Variants in LRRC28 observed in about 807,000 individuals in gnomAD.
LRRC28 encodes the protein leucine-rich repeat-containing protein 28.
LRRC28 carries 39 observed loss-of-function variants against 45.7 expected under a neutral mutation model. The observed-to-expected ratio is 0.85, with a 90% confidence interval of 0.66 to 1.12. LRRC28 has a LOEUF of 1.12. Among genes scored for constraint, LRRC28 ranks in the 50% most tolerant of loss-of-function variants. The pLI is 0.00. For missense variants in LRRC28, 435 were observed against 438.5 expected, an observed-to-expected ratio of 0.99 and a Z score of 0.07; for synonymous variants, 206 against 178.8, an observed-to-expected ratio of 1.15 and a Z score of -1.22.
At chr15:99,353,977 A>AGG (rs755266172) in intron 7 of LRRC28, 3 of 152,194 alleles carry the variant, frequency 2.0e-5, no homozygotes, top group Non-Finnish European at 4.4e-5. Context: ...ACAAAACACT[A>AGG]GGGGAAAATA....
intron 6 of LRRC28, 134 bp downstream of exon 6, chr15:99,334,263 G>T: frequency 1.0e-6 from 1 of 964,292 alleles, no homozygotes; most frequent in Non-Finnish European, 1.6e-6. Flanking sequence ...TGTTTTTGCA[G>T]TGAACAAAGC....
chr15:99,296,090 G>C (rs569979156), intron 5 of LRRC28, among the ~76,000 whole-genome samples: 1 of 152,192 alleles, frequency 6.6e-6, no homozygotes, highest in South Asian at 2.1e-4. Flanking sequence ...GGCTTCTGCT[G>C]TTGCTTACTA....
intron 5 of LRRC28, among the ~76,000 whole-genome samples, chr15:99,331,567 G>A (rs1190147814): frequency 1.3e-5 from 2 of 152,108 alleles, no homozygotes; most frequent in Non-Finnish European, 2.9e-5. Flanking sequence ...TGCCTGTCTA[G>A]CCTTTCCAAA....
Position 99,380,605 on chromosome 15 carries a change from G to C in LRRC28, c.1032-5425G>C, listed in dbSNP as rs571452181. 3.3e-5 allele frequency among the ~76,000 whole-genome samples: 5 copies of C among 152,318 alleles called. No individual in the cohort carries two copies. In the South Asian group the frequency reaches 8.3e-4, roughly 25 times the overall value. On this transcript the variant is annotated intron_variant, in intron 9 of 9. Transcript: ENST00000301981. ...TGTTAACTGGTTATTTTGCTTGTTAGTTGATGCAGTTTCTTCCTAGCATCT... is the reference window on the plus strand; with the variant it reads ...TGTTAACTGGTTATTTTGCTTGTTACTTGATGCAGTTTCTTCCTAGCATCT...
At chr15:99,332,441 G>C (rs147033117) in intron 5 of LRRC28, among the ~76,000 whole-genome samples, 1 of 152,234 alleles carries the variant, frequency 6.6e-6, no homozygotes, top group South Asian at 2.1e-4. Flanking sequence ...ACAAGTTAGG[G>C]TATTTTGGAC....
chr15:99,295,670 A>C (rs756098442), intron 5 of LRRC28, among the ~76,000 whole-genome samples: 2 of 152,228 alleles, frequency 1.3e-5, no homozygotes, highest in Non-Finnish European at 2.9e-5. Flanking sequence ...TGGCATATAA[A>C]TCAGCCTATT....
intron 7 of LRRC28, among the ~76,000 whole-genome samples, chr15:99,360,674 C>T (rs925566845): frequency 6.6e-6 from 1 of 152,146 alleles, no homozygotes; most frequent in Non-Finnish European, 1.5e-5. Context: ...AGTATTGAGG[C>T]TCTTAGGTTA....
At chr15:99,322,258 T>G (rs1328215114) in intron 5 of LRRC28, among the ~76,000 whole-genome samples, 1 of 152,104 alleles carries the variant, frequency 6.6e-6, no homozygotes, top group Non-Finnish European at 1.5e-5. Context: ...GGGCAGAGTC[T>G]GGGGGCAGGA....
At chr15:99,295,563 T>A (rs1401175571) in intron 5 of LRRC28, among the ~76,000 whole-genome samples, 2 of 152,182 alleles carry the variant, frequency 1.3e-5, no homozygotes, top group African/African-American at 4.8e-5. Context: ...GATACCTTTG[T>A]GAGTTGCTGT....
At position 99,361,501 on chromosome 15, in the gene LRRC28, C is replaced by A. The variant is rs768132007; in HGVS notation, c.861C>A (p.Ser287Arg). Residue 287 changes from serine (S) to arginine (R), a missense_variant, in exon 8 of 10, where the codon AGC becomes AGA. Coordinates refer to ENST00000301981, the MANE Select transcript of LRRC28 (RefSeq NM_144598.5). ...GAGGGCTGTATCATACCTACCACAG[C>A]TTGCTGAAAGGTACGTGGGACTTCT... ...AMRGLYHTYH[S>R]LLKDLNFLSP... The A allele has an allele frequency of 3.1e-6, 5 of 1,598,676 alleles. No homozygotes were observed. Among genetic ancestry groups the A allele is most frequent in the Non-Finnish European group, 4.3e-6 (5 of 1,174,168 alleles).
At chr15:99,277,853 T>G (rs2081660754) in intron 3 of LRRC28, among the ~76,000 whole-genome samples, 1 of 152,172 alleles carries the variant, frequency 6.6e-6, no homozygotes, top group Admixed American at 6.5e-5. Flanking sequence ...TTTGCATCCT[T>G]TAGGTACTTT....
At chr15:99,340,344 C>T (rs1956466552) in intron 6 of LRRC28, among the ~76,000 whole-genome samples, 2 of 152,214 alleles carry the variant, frequency 1.3e-5, no homozygotes, top group African/African-American at 4.8e-5. Context: ...ATATAAAAGG[C>T]ACAAATCTGT....
At chr15:99,384,996 G>T (rs186014689) in intron 9 of LRRC28, among the ~76,000 whole-genome samples, 44 of 152,296 alleles carry the variant, frequency 2.9e-4, no homozygotes, top group Non-Finnish European at 2.4e-4. Flanking sequence ...ACTGAGGCAC[G>T]CAGGGACTCA....
chr15:99,381,562 C>G (rs972745441), intron 9 of LRRC28, among the ~76,000 whole-genome samples: 4 of 152,216 alleles, frequency 2.6e-5, no homozygotes, highest in Non-Finnish European at 5.9e-5. Flanking sequence ...CAGCTTTGTT[C>G]CGTTGCTGGC....
At chr15:99,337,531 A>G (rs1956365865) in intron 6 of LRRC28, among the ~76,000 whole-genome samples, 1 of 152,236 alleles carries the variant, frequency 6.6e-6, no homozygotes. Flanking sequence ...TTGGTACACA[A>G]TCTTCAGTGC....
chr15:99,337,361 G>A lies in LRRC28; in HGVS notation c.592+3232G>A, dbSNP rs77397331. On this transcript the variant is annotated intron_variant, in intron 6 of 9. Transcript: ENST00000301981. ...ACAGAGGACCTGACTTGCAGTGGCT[G>A]GTGCAAGGTGATAGAAATGGTTGTT... Among the ~76,000 whole-genome samples the A allele has an allele frequency of 6.3e-3, 958 of 152,348 alleles. 9 individuals carry two copies. Among genetic ancestry groups the A allele is most frequent in the Non-Finnish European group, 7.8e-3 (531 of 68,032 alleles).
chr15:99,261,923 C>T (rs1054834300), intron 2 of LRRC28, among the ~76,000 whole-genome samples: 55 of 152,170 alleles, frequency 3.6e-4, no homozygotes, highest in African/African-American at 1.3e-3. Context: ...TCCCAAAGTG[C>T]TAGGATTACA....
In LRRC28 at chr15:99,389,999, TC is replaced by T. The variant is rs1288423116; in HGVS notation, c.*3900del. Reference sequence around the variant, plus strand: ...CAGGCGTGGTGGCGCGCACCTGCAGTCCCAGCTACTCGGGAGGCTGAGGCAG... The same window carrying T: ...CAGGCGTGGTGGCGCGCACCTGCAGTCCAGCTACTCGGGAGGCTGAGGCAG... On this transcript the variant is annotated 3_prime_UTR_variant, in exon 10 of 10. Coordinates refer to ENST00000301981, the MANE Select transcript of LRRC28 (RefSeq NM_144598.5). The T allele has an allele frequency of 6.6e-6, 1 of 152,460 alleles. No individual in the cohort carries two copies. Among genetic ancestry groups the T allele is most frequent in the Non-Finnish European group, 1.5e-5 (1 of 68,344 alleles). The allele number at this position is 152,460 out of a possible 1,614,324, so 9.4% of individuals were successfully genotyped here.
At chr15:99,270,610 T>A in intron 2 of LRRC28, among the ~76,000 whole-genome samples, 1 of 152,252 alleles carries the variant, frequency 6.6e-6, no homozygotes, top group East Asian at 1.9e-4. Flanking sequence ...CAGTACTTCT[T>A]TTTTTGTGTG....
Sources: gnomAD v4.1 joint callset for allele counts (sites outside exome capture counted in the v4.1 genomes callset) on GRCh38, gnomAD v4.1.1 for gene constraint, MANE v1.5 for transcripts, NCBI Gene and HGNC (gene_info 2026-07-23, HGNC 2026-07-21) for gene names.